The following CEP85L variants were observed in gnomAD, a reference collection of about 807,000 sequenced individuals.
The protein encoded by CEP85L is centrosomal protein 85L.
Under a neutral mutation model 100.3 loss-of-function variants are expected in CEP85L, and 60 were observed. The ratio of observed to expected loss-of-function variants is 0.60; its 90% CI spans 0.49 to 0.74. CEP85L has a LOEUF of 0.74. CEP85L is among the 30% of genes least tolerant of loss of function. CEP85L has a pLI of 0.00. For synonymous variants in CEP85L, 319 were observed against 322.7 expected (o/e 0.99, Z 0.12); for missense variants, 973 against 936.2 (o/e 1.04, Z -0.51).
chr6:118,483,805 T>G lies in CEP85L; in HGVS notation c.1491A>C (p.Glu497Asp), dbSNP rs1470806275. ...ISSLKKKCQK[E>D]SEQNKEKQRR... The stretch of plus-strand genomic sequence containing the variant: ...TCTGCTTTTCTTTGTTTTGTTCAGA[T>G]TCCTTCTGGCATTTCTTTTTCAGAC... Residue 497 changes from glutamate to aspartate, a missense_variant, in exon 7 of 13, where the codon GAA (glutamate) becomes GAC (aspartate). Physicochemically the swap from Glu to Asp is conservative, Grantham distance 45 (BLOSUM62 2). Coordinates refer to ENST00000368491, the MANE Select transcript of CEP85L (RefSeq NM_001042475.3). 6.2e-7 allele frequency: 1 copy of G among 1,613,902 alleles called. No homozygotes were observed.
intron 11 of CEP85L, among the ~76,000 whole-genome samples, chr6:118,470,258 T>C (rs949027828): frequency 6.6e-6 from 1 of 151,966 alleles, no homozygotes; most frequent in Non-Finnish European, 1.5e-5. Context: ...AATAACTCAA[T>C]AGCCTGGGGT....
chr6:118,548,465 C>G (rs1778341017), intron 3 of CEP85L: 1 of 152,016 alleles, frequency 6.6e-6, no homozygotes. Context: ...TTTCTATAAT[C>G]TGAACTTTTA....
At chr6:118,642,040 C>T (rs957918051) in intron 1 of CEP85L, among the ~76,000 whole-genome samples, 3 of 151,838 alleles carry the variant, frequency 2.0e-5, no homozygotes, top group African/African-American at 2.4e-5. Context: ...ACTGTATGTA[C>T]CACTAAAAAA....
intron 5 of CEP85L, among the ~76,000 whole-genome samples, chr6:118,501,011 TC>T (rs1562203976): frequency 6.6e-6 from 1 of 152,204 alleles, no homozygotes; most frequent in Non-Finnish European, 1.5e-5. Flanking sequence ...CCCCTTTTCT[TC>T]CCCCAGAACT....
chr6:118,499,236 A>G (rs1042397296), intron 5 of CEP85L, among the ~76,000 whole-genome samples: 3 of 152,220 alleles, frequency 2.0e-5, no homozygotes, highest in African/African-American at 2.4e-5. Context: ...GTAAATCTGA[A>G]ATAAACAAAA....
intron 2 of CEP85L, among the ~76,000 whole-genome samples, chr6:118,591,296 T>C (rs113800315): frequency 6.6e-6 from 1 of 152,184 alleles, no homozygotes; most frequent in African/African-American, 2.4e-5. Context: ...CACACCCAAG[T>C]AACAAAAGTA....
intron 2 of CEP85L, among the ~76,000 whole-genome samples, chr6:118,575,857 C>A (rs1780195952): frequency 6.6e-6 from 1 of 151,894 alleles, no homozygotes; most frequent in Non-Finnish European, 1.5e-5. Flanking sequence ...GGGAAGAAAT[C>A]CAGGGTTAAG....
At chr6:118,624,270 A>G (rs4946350) in intron 2 of CEP85L, among the ~76,000 whole-genome samples, 1 of 152,002 alleles carries the variant, frequency 6.6e-6, no homozygotes, top group Admixed American at 6.5e-5. Flanking sequence ...ATACTGTTTC[A>G]TCATATTAAA....
At chr6:118,595,865 A>C (rs1047573715) in intron 2 of CEP85L, among the ~76,000 whole-genome samples, 3 of 152,220 alleles carry the variant, frequency 2.0e-5, no homozygotes, top group Non-Finnish European at 4.4e-5. Flanking sequence ...CAGTCTCACC[A>C]ATCAAGAAGA....
intron 4 of CEP85L, among the ~76,000 whole-genome samples, chr6:118,514,423 G>A (rs1776144133): frequency 6.6e-6 from 1 of 151,744 alleles, no homozygotes; most frequent in South Asian, 2.1e-4. Flanking sequence ...TACCTGGGAG[G>A]CTGAGGCAGG....
chr6:118,488,376 A>C (rs1417063079), intron 6 of CEP85L, among the ~76,000 whole-genome samples: 5 of 152,000 alleles, frequency 3.3e-5, no homozygotes, highest in Admixed American at 3.3e-4. Context: ...GGAACTAAAA[A>C]ATATAATAAC....
chr6:118,466,215 A>G lies in CEP85L; in HGVS notation c.2255-647T>C, dbSNP rs146174544. Among the ~76,000 whole-genome samples, 197 of 152,286 alleles carry G rather than the reference A, an allele frequency of 1.3e-3. 1 individual carries two copies. Among genetic ancestry groups the G allele is most frequent in the African/African-American group, 4.6e-3 (190 of 41,582 alleles). On this transcript the variant is annotated intron_variant, in intron 12 of 12. Coordinates refer to ENST00000368491, the MANE Select transcript of CEP85L (RefSeq NM_001042475.3). Reference sequence around the variant, plus strand: ...TATTTACTTCAGTTCTTCTCTTTGTAAGCATATCTCAACATAAAATCAGGC... The same window carrying G: ...TATTTACTTCAGTTCTTCTCTTTGTGAGCATATCTCAACATAAAATCAGGC...
intron 4 of CEP85L, among the ~76,000 whole-genome samples, chr6:118,512,492 A>G (rs1279492040): frequency 1.3e-5 from 2 of 152,192 alleles, no homozygotes; most frequent in African/African-American, 4.8e-5. Flanking sequence ...GACAGTTTTG[A>G]AACCAGTTAA....
At chr6:118,600,370 T>TGTGTGTGTGTGTGTGTGTGTGTGTGTGTG (rs58066356) in intron 2 of CEP85L, among the ~76,000 whole-genome samples, 1 of 86,368 alleles carries the variant, frequency 1.2e-5, no homozygotes, top group Non-Finnish European at 2.6e-5. Context: ...TGTGTGTGTG[T>TGTGTGTGTGTGTGTGTGTGTGTGTGTGTG]AACGCCATGG....
At chr6:118,637,557 C>CA (rs1385943176) in intron 1 of CEP85L, among the ~76,000 whole-genome samples, 2 of 145,148 alleles carry the variant, frequency 1.4e-5, no homozygotes, top group South Asian at 2.2e-4. Context: ...AAAAAAAATT[C>CA]AAAAAAATGC....
intron 1 of CEP85L, among the ~76,000 whole-genome samples, chr6:118,680,503 A>C (rs962789463): frequency 1.3e-5 from 2 of 152,130 alleles, no homozygotes; most frequent in African/African-American, 4.8e-5. Flanking sequence ...GTGTACTCAG[A>C]ACTAGGTGGC....
chr6:118,561,461 A>G (rs1441711374), intron 3 of CEP85L, among the ~76,000 whole-genome samples: 1 of 152,158 alleles, frequency 6.6e-6, no homozygotes, highest in Non-Finnish European at 1.5e-5. Flanking sequence ...AAAGTAGAAT[A>G]AACTCTTTAA....
intron 1 of CEP85L, among the ~76,000 whole-genome samples, chr6:118,672,348 T>G (rs1776334000): frequency 6.6e-6 from 1 of 152,198 alleles, no homozygotes; most frequent in African/African-American, 2.4e-5. Flanking sequence ...TGATATATTA[T>G]ATTATTCTTT....
At chr6:118,607,379 G>T (rs991007032) in intron 2 of CEP85L, among the ~76,000 whole-genome samples, 4 of 152,154 alleles carry the variant, frequency 2.6e-5, no homozygotes, top group Non-Finnish European at 5.9e-5. Flanking sequence ...ACACTGAAAA[G>T]TTCAGGCGGC....
Sources: allele counts gnomAD v4.1 joint callset (sites outside exome capture counted in the v4.1 genomes callset), GRCh38; gene constraint gnomAD v4.1.1; transcripts MANE v1.5; gene names NCBI Gene and HGNC (gene_info 2026-07-23, HGNC 2026-07-21).